SPATA6L: variants seen among roughly 807,000 people sequenced by gnomAD.
The protein encoded by SPATA6L is spermatogenesis associated 6 like.
In SPATA6L, 68 loss-of-function variants were observed where a neutral mutation model predicts 49.2. The ratio of observed to expected loss-of-function variants is 1.38; its 90% CI spans 1.14 to 1.69. The LOEUF is 1.69. Ranked by LOEUF, SPATA6L falls within the 40% of genes most tolerant of loss-of-function variation. The probability of loss-of-function intolerance (pLI) is 0.00; values close to 1 mark genes in which losing one functional copy is unlikely to be tolerated. For missense variants in SPATA6L, 668 were observed against 464.3 expected (o/e 1.44, Z -4.03); for synonymous variants, 198 against 165.7 (o/e 1.19, Z -1.50).
At chr9:4,605,707 G>C (rs1824637764) in intron 9 of SPATA6L, among the ~76,000 whole-genome samples, 1 of 152,204 alleles carries the variant, frequency 6.6e-6, no homozygotes, top group South Asian at 2.1e-4. Context: ...ACTTTCCTGT[G>C]TTTTTCAGAT....
At chr9:4,590,002 C>A (rs750727415) in intron 13 of SPATA6L, among the ~76,000 whole-genome samples, 7 of 152,208 alleles carry the variant, frequency 4.6e-5, no homozygotes, top group Non-Finnish European at 1.0e-4. Context: ...TGGTTCACTG[C>A]AACCTCTGCC....
At chr9:4,639,330 T>C (rs1833536692) in intron 3 of SPATA6L, among the ~76,000 whole-genome samples, 1 of 152,200 alleles carries the variant, frequency 6.6e-6, no homozygotes, top group African/African-American at 2.4e-5. Context: ...CTACTTCTTG[T>C]CCCTGCATCT....
intron 2 of SPATA6L, among the ~76,000 whole-genome samples, chr9:4,657,002 G>T (rs374734): frequency 0.61 from 92,215 of 151,950 alleles, 29,247 homozygotes; most frequent in African/African-American, 0.8. Context: ...TAAGTGTATC[G>T]TGAAGCACAA....
chr9:4,594,384 T>G (rs1341306747), downstream of SPATA6L, among the ~76,000 whole-genome samples: 2 of 152,188 alleles, frequency 1.3e-5, no homozygotes, highest in Non-Finnish European at 2.9e-5. Context: ...TAACTTTTTT[T>G]GTATTTTTTA....
chr9:4,607,842 A>T (rs1825691681), intron 9 of SPATA6L, among the ~76,000 whole-genome samples: 1 of 151,444 alleles, frequency 6.6e-6, no homozygotes, highest in Admixed American at 6.6e-5. Context: ...TAAAAGACAC[A>T]GACTGGCAAA....
chr9:4,629,493 C>G (rs190976317), intron 4 of SPATA6L, among the ~76,000 whole-genome samples: 2 of 151,744 alleles, frequency 1.3e-5, no homozygotes, highest in Non-Finnish European at 2.9e-5. Context: ...TTAATTGAAC[C>G]CAGGCATTCC....
chr9:4,604,470 C>A (rs1824219757), intron 10 of SPATA6L, among the ~76,000 whole-genome samples: 2 of 151,998 alleles, frequency 1.3e-5, no homozygotes, highest in African/African-American at 4.8e-5. Context: ...TGGTCTTGAA[C>A]CTCCTGGCCT....
chr9:4,652,384 T>C (rs1167094621), intron 3 of SPATA6L, among the ~76,000 whole-genome samples: 1 of 151,940 alleles, frequency 6.6e-6, no homozygotes, highest in East Asian at 1.9e-4. Flanking sequence ...TGAAACTCTG[T>C]CTCAAACAAA....
intron 9 of SPATA6L, among the ~76,000 whole-genome samples, chr9:4,610,226 G>C (rs1826350911): frequency 6.7e-6 from 1 of 150,362 alleles, no homozygotes; most frequent in Admixed American, 6.6e-5. Context: ...ACTGCCCAAG[G>C]TAATTTACAG....
chr9:4,602,381 T>C (rs1258073543), intron 11 of SPATA6L, among the ~76,000 whole-genome samples: 1 of 152,052 alleles, frequency 6.6e-6, no homozygotes, highest in African/African-American at 2.4e-5. Flanking sequence ...AAGCAGAACG[T>C]TCTAAGGTAG....
intron 3 of SPATA6L, among the ~76,000 whole-genome samples, chr9:4,641,101 T>C (rs888689132): frequency 2.0e-5 from 3 of 152,210 alleles, no homozygotes; most frequent in African/African-American, 4.8e-5. Flanking sequence ...ATTCTGCAAC[T>C]GACTTTTTAA....
chr9:4,611,482 G>A (rs1006467279), intron 9 of SPATA6L, among the ~76,000 whole-genome samples: 1 of 149,328 alleles, frequency 6.7e-6, no homozygotes, highest in Non-Finnish European at 1.5e-5. Flanking sequence ...AAAATGATGA[G>A]TTCATGTCCT....
Position 4,656,003 on chromosome 9 carries a change from G to C in SPATA6L, c.226+38C>G, listed in dbSNP as rs1027086529. On this transcript the variant is annotated intron_variant, in intron 3 of 11. Transcript: ENST00000682582. ...TTGAATCTGTGAATTACACACAATA[G>C]TCTTTTGGTTTTTTGTTTTGTTTTT... 5 of 1,524,448 alleles carry C rather than the reference G, an allele frequency of 3.3e-6. No individual in the cohort carries two copies. The South Asian group carries it at 3.4e-5, about 10-fold the overall frequency. 94.4% of individuals were successfully genotyped at this position (1,524,448 alleles called of 1,614,324 possible).
At chr9:4,626,200 A>G (rs1022833372) in intron 5 of SPATA6L, 1 of 234,614 alleles carries the variant, frequency 4.3e-6, no homozygotes, top group South Asian at 7.8e-5. Context: ...TCCTGCAACC[A>G]TTCTTCGCCT....
Position 4,662,269 on chromosome 9 carries a change from C to T in SPATA6L, c.40-233G>A. 6 of 1,434,152 alleles carry T rather than the reference C, an allele frequency of 4.2e-6. No homozygotes were observed. The highest frequency in any genetic ancestry group is 2.9e-5 in the Admixed American group (1 of 34,842). The allele number at this position is 1,434,152 out of a possible 1,614,324, so 88.8% of individuals were successfully genotyped here. ...TGTCACAATCGCGCTCTCGCCGGCT[C>T]CTCTCCCCGCCCCTCCGGGATGGTA... On this transcript the variant is annotated intron_variant, in intron 1 of 11. Coordinates refer to ENST00000682582, the MANE Select transcript of SPATA6L (RefSeq NM_001353486.2). This position sits in a 1 kb window ranked among gnomAD's most constrained non-coding sequence, Gnocchi z 4.9.
At chr9:4,601,630 C>A (rs1823309332) in intron 11 of SPATA6L, among the ~76,000 whole-genome samples, 1 of 152,148 alleles carries the variant, frequency 6.6e-6, no homozygotes, top group Non-Finnish European at 1.5e-5. Context: ...TCCCTGAGAT[C>A]TCGAGATCGC....
intron 3 of SPATA6L, among the ~76,000 whole-genome samples, chr9:4,635,979 C>T (rs1370480795): frequency 3.3e-5 from 5 of 152,206 alleles, no homozygotes; most frequent in Admixed American, 6.5e-5. Flanking sequence ...TCTCCCCCAT[C>T]CCCAGTGACT....
downstream of SPATA6L, among the ~76,000 whole-genome samples, chr9:4,598,102 A>C (rs1382961172): frequency 1.3e-5 from 2 of 152,146 alleles, no homozygotes; most frequent in African/African-American, 2.4e-5. Context: ...GGCTTCAGCT[A>C]ACTTTGGGTC....
rs59184426 is a variant in SPATA6L at position 4,650,824 on chromosome 9, TTGTGTGTGTGTG to T, written c.226+5205_226+5216del. ...ACAGGCAAGCACCACCAAACCCAGC[TTGTGTGTGTGTG>T]TGTGTGTGTGTGTGTGTGTGTGTGT... On this transcript the variant is annotated intron_variant, in intron 3 of 11. Transcript: ENST00000682582. Among the ~76,000 whole-genome samples, 1,008 of 137,114 alleles carry T rather than the reference TTGTGTGTGTGTG, an allele frequency of 7.4e-3. 13 individuals carry two copies. The highest frequency in any genetic ancestry group is 0.024 in the African/African-American group (884 of 36,738). The allele number at this position is 137,114 out of a possible 152,430, so 90.0% of individuals were successfully genotyped here. A position where few individuals can be genotyped will look rare whatever the true frequency, so the allele number is the denominator to read the frequency against.
Sources: allele counts gnomAD v4.1 joint callset (sites outside exome capture counted in the v4.1 genomes callset), GRCh38; gene constraint gnomAD v4.1.1; non-coding constraint Gnocchi (gnomAD v3.1); transcripts MANE v1.5; gene names NCBI Gene and HGNC (gene_info 2026-07-23, HGNC 2026-07-21).